GAREM1: variants seen among roughly 807,000 people sequenced by gnomAD.
GAREM1 encodes the protein GRB2-associated and regulator of MAPK protein 1.
GAREM1 carries 26 observed loss-of-function variants against 71.3 expected under a neutral mutation model. That is an observed-to-expected ratio of 0.36 (90% CI 0.27 to 0.51). GAREM1 has a LOEUF of 0.51. GAREM1 is among the 20% of genes least tolerant of loss of function. The pLI is 0.95. For missense variants in GAREM1, 1,026 were observed against 1,103.1 expected (o/e 0.93, Z 0.99); for synonymous variants, 440 against 433.2 (o/e 1.02, Z -0.20).
chr18:32,418,150 A>G (rs1234426359), intron 1 of GAREM1, among the ~76,000 whole-genome samples: 1 of 152,226 alleles, frequency 6.6e-6, no homozygotes. Flanking sequence ...GCAAGAGGAA[A>G]GTAGATAAAG....
At chr18:32,401,826 A>C (rs145565699) in intron 1 of GAREM1, among the ~76,000 whole-genome samples, 85 of 152,364 alleles carry the variant, frequency 5.6e-4, no homozygotes, top group African/African-American at 1.9e-3. Flanking sequence ...CTAAAGAGGC[A>C]GCCAAGAAAC....
intron 3 of GAREM1, among the ~76,000 whole-genome samples, chr18:32,288,805 T>C (rs186577399): frequency 5.5e-4 from 84 of 152,268 alleles, no homozygotes; most frequent in Non-Finnish European, 9.6e-4. Flanking sequence ...TAGATACATA[T>C]ATACACAATT....
At chr18:32,364,216 G>A (rs1165081574) in intron 2 of GAREM1, among the ~76,000 whole-genome samples, 2 of 149,990 alleles carry the variant, frequency 1.3e-5, no homozygotes, top group African/African-American at 4.9e-5. Flanking sequence ...TGTATTTTTA[G>A]TACAGATGGG....
chr18:32,380,455 G>A (rs1193717076), intron 2 of GAREM1, among the ~76,000 whole-genome samples: 5 of 131,678 alleles, frequency 3.8e-5, no homozygotes, highest in South Asian at 2.4e-4. Context: ...CAGCCTGGGC[G>A]ACAGAGTGAG....
chr18:32,410,079 A>G (rs1051462256), intron 1 of GAREM1, among the ~76,000 whole-genome samples: 35 of 152,186 alleles, frequency 2.3e-4, no homozygotes, highest in African/African-American at 8.2e-4. Context: ...GTGTGAAGAG[A>G]TGCTCACACC....
chr18:32,267,935 T>C lies in GAREM1; in HGVS notation c.2567A>G (p.Lys856Arg). 3 of 1,614,092 alleles carry C rather than the reference T, an allele frequency of 1.9e-6. No individual in the cohort carries two copies. The highest frequency in any genetic ancestry group is 1.1e-5 in the South Asian group (1 of 91,054). ...LTEEILSEDF[K>R]LSKLQVKKIM... ...CTTCTTCACCTGCAATTTGCTCAAT[T>C]TGAAATCCTCTGAGAGGATTTCTTC... Residue 856 changes from lysine to arginine, a missense_variant, in exon 6 of 6, where the codon AAA becomes AGA. This residue lies in a region of GAREM1 where 636 missense variants were observed against 631.2 expected (regional missense o/e 1.01). Transcript: ENST00000269209.
intron 2 of GAREM1, among the ~76,000 whole-genome samples, chr18:32,325,728 T>C (rs532051062): frequency 6.6e-6 from 1 of 152,316 alleles, no homozygotes; most frequent in South Asian, 2.1e-4. Flanking sequence ...CAACAGGTAG[T>C]GTATTAACTT....
rs967618768 is a variant in GAREM1 at position 32,348,060 on chromosome 18, A to G, written c.263-37737T>C. Among the ~76,000 whole-genome samples the G allele has an allele frequency of 2.8e-4, 42 of 152,258 alleles. 1 individual carries two copies. The highest frequency in any genetic ancestry group is 4.4e-5 in the Non-Finnish European group (3 of 68,038). ...ATTCAAACTAGATTTTAATTTGCCT[A>G]GTTTAAACTTGTTTTGAAACTTCTA... On this transcript the variant is annotated intron_variant, in intron 2 of 5. Transcript: ENST00000269209.
chr18:32,464,686 GCTT>G (rs1406922955), intron 1 of GAREM1, among the ~76,000 whole-genome samples: 1 of 152,054 alleles, frequency 6.6e-6, no homozygotes, highest in Non-Finnish European at 1.5e-5. Flanking sequence ...ATTTCTCTCA[GCTT>G]CTTCTTCTGT....
intron 2 of GAREM1, among the ~76,000 whole-genome samples, chr18:32,371,663 C>T (rs887903725): frequency 1.3e-5 from 2 of 151,978 alleles, no homozygotes; most frequent in African/African-American, 2.4e-5. Flanking sequence ...CTGGACACTC[C>T]TACAGACATA....
intron 1 of GAREM1, among the ~76,000 whole-genome samples, chr18:32,459,030 A>C (rs2048927402): frequency 6.6e-6 from 1 of 152,142 alleles, no homozygotes; most frequent in African/African-American, 2.4e-5. Flanking sequence ...TCAAATAAAT[A>C]ATAGTTGACT....
At chr18:32,458,292 C>T (rs2048917051) in intron 1 of GAREM1, among the ~76,000 whole-genome samples, 1 of 152,024 alleles carries the variant, frequency 6.6e-6, no homozygotes, top group African/African-American at 2.4e-5. Context: ...GGGGAACTCT[C>T]CATGAATGGA....
chr18:32,377,520 G>A (rs968148363), intron 2 of GAREM1, among the ~76,000 whole-genome samples: 6 of 152,164 alleles, frequency 3.9e-5, no homozygotes, highest in South Asian at 2.1e-4. Flanking sequence ...CATGCTCCAC[G>A]GCTGCCATAT....
At chr18:32,390,070 C>T (rs1017943776) in intron 2 of GAREM1, among the ~76,000 whole-genome samples, 7 of 152,122 alleles carry the variant, frequency 4.6e-5, no homozygotes, top group African/African-American at 1.2e-4. Context: ...ACTCAAGAGG[C>T]TGAGGTGGGA....
intron 1 of GAREM1, among the ~76,000 whole-genome samples, chr18:32,459,327 A>AT (rs1218971480): frequency 0.013 from 1,892 of 147,582 alleles, 32 homozygotes; most frequent in African/African-American, 0.044. Context: ...ATAAGCCGCT[A>AT]TTTTTTTTTT....
intron 2 of GAREM1, among the ~76,000 whole-genome samples, chr18:32,367,447 A>C (rs1393824112): frequency 6.6e-6 from 1 of 152,190 alleles, no homozygotes; most frequent in Non-Finnish European, 1.5e-5. Flanking sequence ...TAAGATATTT[A>C]GTTTTATAGA....
chr18:32,279,740 C>G (rs1040236096), intron 4 of GAREM1, among the ~76,000 whole-genome samples: 3 of 152,168 alleles, frequency 2.0e-5, no homozygotes, highest in Non-Finnish European at 4.4e-5. Context: ...GAAAAATTGT[C>G]TTTCATGAAA....
intron 3 of GAREM1, among the ~76,000 whole-genome samples, chr18:32,293,234 C>T (rs2047104872): frequency 6.6e-6 from 1 of 152,092 alleles, no homozygotes; most frequent in South Asian, 2.1e-4. Context: ...TCATTCCCCA[C>T]TGAGAGGAAC....
chr18:32,419,487 G>GTTGGCAGCCTCCAATCTGC (rs375457926), intron 1 of GAREM1, among the ~76,000 whole-genome samples: 250 of 152,226 alleles, frequency 1.6e-3, no homozygotes, highest in African/African-American at 5.8e-3. Flanking sequence ...ATTCAAGGAG[G>GTTGGCAGCCTCCAATCTGC]TTGGCAGCCT....
Sources: allele counts gnomAD v4.1 joint callset (sites outside exome capture counted in the v4.1 genomes callset), GRCh38; gene constraint gnomAD v4.1.1; regional missense constraint gnomAD v4.1.1; transcripts MANE v1.5; gene names NCBI Gene and HGNC (gene_info 2026-07-23, HGNC 2026-07-21).